The following SH3RF2 variants were observed in gnomAD, a reference collection of about 807,000 sequenced individuals.
The protein encoded by SH3RF2 is E3 ubiquitin-protein ligase SH3RF2.
Under a neutral mutation model 59.0 loss-of-function variants are expected in SH3RF2, and 43 were observed. That is an observed-to-expected ratio of 0.73 (90% confidence interval 0.57 to 0.94). The LOEUF is 0.94. SH3RF2 is among the 40% of genes least tolerant of loss of function. The probability of loss-of-function intolerance (pLI) is 0.00; values close to 1 mark genes in which losing one functional copy is unlikely to be tolerated. For synonymous variants in SH3RF2, 391 were observed against 391.5 expected (o/e 1.00, Z 0.01); for missense variants, 930 against 940.1 (o/e 0.99, Z 0.14).
intron 2 of SH3RF2, among the ~76,000 whole-genome samples, chr5:145,962,781 C>T (rs1369661952): frequency 2.6e-5 from 4 of 151,676 alleles, no homozygotes; most frequent in Admixed American, 2.0e-4. Context: ...CTTAGGACTT[C>T]ATACCTCCTC....
chr5:146,061,001 G>A (rs1020519089), intron 9 of SH3RF2, among the ~76,000 whole-genome samples: 10 of 152,008 alleles, frequency 6.6e-5, no homozygotes, highest in Admixed American at 1.3e-4. Flanking sequence ...TCACATCATC[G>A]CCATCACCAC....
chr5:146,024,076 G>A (rs1008622771), intron 5 of SH3RF2, among the ~76,000 whole-genome samples: 3 of 152,154 alleles, frequency 2.0e-5, no homozygotes, highest in Non-Finnish European at 2.9e-5. Context: ...AACATTTGTA[G>A]ACATATGCTT....
intron 2 of SH3RF2, among the ~76,000 whole-genome samples, chr5:145,971,662 A>G (rs1232389930): frequency 6.6e-6 from 1 of 152,216 alleles, no homozygotes; most frequent in Non-Finnish European, 1.5e-5. Flanking sequence ...CAGTCATTCT[A>G]TCAGTCAGTC....
intron 2 of SH3RF2, chr5:145,997,977 C>T (rs1185260138): frequency 2.6e-6 from 2 of 767,110 alleles, no homozygotes; most frequent in African/African-American, 1.7e-5. Context: ...GTGGTCCCAC[C>T]CAGAACATAT....
At chr5:146,031,953 G>A (rs1351103001) in intron 5 of SH3RF2, among the ~76,000 whole-genome samples, 1 of 152,134 alleles carries the variant, frequency 6.6e-6, no homozygotes, top group Non-Finnish European at 1.5e-5. Flanking sequence ...GCATGCTCCA[G>A]GGGTAAGAGA....
Position 146,062,864 on chromosome 5 carries a change from C to A in SH3RF2, c.*163C>A. 1 of 924,506 alleles carries A rather than the reference C, an allele frequency of 1.1e-6. No homozygotes were observed. Among genetic ancestry groups the A allele is most frequent in the Non-Finnish European group, 1.6e-6 (1 of 633,392 alleles). The allele number at this position is 924,506 out of a possible 1,614,324, so 57.3% of individuals were successfully genotyped here. ...AAAAGTGGGAGCAGAAATTCCTGCC[C>A]TGGGTGGGAGGATAGATGGCGTGGC... On this transcript the variant is annotated 3_prime_UTR_variant, in exon 10 of 10. Transcript: ENST00000359120.
chr5:145,943,215 T>C (rs1257665261), intron 2 of SH3RF2, among the ~76,000 whole-genome samples: 1 of 148,056 alleles, frequency 6.8e-6, no homozygotes, highest in Non-Finnish European at 1.5e-5. Flanking sequence ...CACAGAAACA[T>C]GCAGGGATCT....
chr5:146,062,436 C>T lies in SH3RF2; in HGVS notation c.1925C>T (p.Thr642Ile), dbSNP rs756609677. 1 of 1,613,824 alleles carries T rather than the reference C, an allele frequency of 6.2e-7. No homozygotes were observed. The highest frequency in any genetic ancestry group is 8.5e-7 in the Non-Finnish European group (1 of 1,179,798). ...TCCTTTCTCTTGCAGCAAGTCAAAA[C>T]CGTGAGATTTCAGAATTACAGCCCT... ...SRNGIEKQVKTVRFQNYSPPP... is the reference protein window; with the variant it reads ...SRNGIEKQVKIVRFQNYSPPP... The change falls in exon 10 of 10, where the codon ACC becomes ATC. Residue 642 changes from threonine to isoleucine, a missense_variant. By Grantham distance (89) the Thr-to-Ile change is moderately conservative. Transcript: ENST00000359120.
chr5:146,044,954 A>G (rs1443493545), intron 5 of SH3RF2, among the ~76,000 whole-genome samples: 1 of 152,212 alleles, frequency 6.6e-6, no homozygotes. Flanking sequence ...AGAGAAGTAA[A>G]AAGACAGACC....
chr5:146,037,563 C>A (rs549266391), intron 5 of SH3RF2, among the ~76,000 whole-genome samples: 3 of 152,288 alleles, frequency 2.0e-5, no homozygotes, highest in East Asian at 3.9e-4. Flanking sequence ...GGCCACCTGG[C>A]AAATGTTCCC....
downstream of SH3RF2, among the ~76,000 whole-genome samples, chr5:146,065,851 G>T (rs1193713158): frequency 2.6e-5 from 4 of 152,222 alleles, no homozygotes; most frequent in Non-Finnish European, 5.9e-5. Flanking sequence ...TAGAGATGAA[G>T]TCTCACTGTG....
At chr5:146,048,314 C>CAA (rs34925445) in intron 6 of SH3RF2, among the ~76,000 whole-genome samples, 3,145 of 138,588 alleles carry the variant, frequency 0.023, 129 homozygotes, top group East Asian at 0.15. Context: ...GACCCTGTCT[C>CAA]AAAAAAAAAA....
At chr5:146,015,836 C>G (rs183719583) in intron 5 of SH3RF2, among the ~76,000 whole-genome samples, 18 of 152,314 alleles carry the variant, frequency 1.2e-4, no homozygotes, top group Non-Finnish European at 2.5e-4. Context: ...TCACAGCAGC[C>G]TTTTCTCCAT....
At chr5:146,004,938 C>T (rs1479542518) in intron 4 of SH3RF2, among the ~76,000 whole-genome samples, 1 of 151,722 alleles carries the variant, frequency 6.6e-6, no homozygotes, top group Non-Finnish European at 1.5e-5. Flanking sequence ...TCTTTTATCA[C>T]AATAAAAAAT....
intron 4 of SH3RF2, among the ~76,000 whole-genome samples, chr5:146,012,451 C>T (rs1396656411): frequency 6.6e-6 from 1 of 152,110 alleles, no homozygotes; most frequent in Non-Finnish European, 1.5e-5. Context: ...CCAGCTCCTC[C>T]TTGTACCTCT....
chr5:146,039,598 T>A (rs1281483330), intron 5 of SH3RF2, among the ~76,000 whole-genome samples: 3 of 152,286 alleles, frequency 2.0e-5, no homozygotes, highest in African/African-American at 7.2e-5. Flanking sequence ...AGCCAGGCCT[T>A]ACCACATGCT....
intron 2 of SH3RF2, among the ~76,000 whole-genome samples, chr5:145,941,230 A>G (rs933415418): frequency 6.6e-6 from 1 of 152,202 alleles, no homozygotes; most frequent in Non-Finnish European, 1.5e-5. Flanking sequence ...CAAGCTCATC[A>G]AGCTCTTTTT....
intron 9 of SH3RF2, among the ~76,000 whole-genome samples, chr5:146,071,526 T>C (rs1425239938): frequency 1.3e-5 from 2 of 152,244 alleles, no homozygotes; most frequent in East Asian, 3.8e-4. Flanking sequence ...AAGTTGTTTT[T>C]AGATGTTGGC....
chr5:145,956,105 G>A (rs2149950067), intron 2 of SH3RF2, among the ~76,000 whole-genome samples: 1 of 152,194 alleles, frequency 6.6e-6, no homozygotes, highest in Admixed American at 6.5e-5. Flanking sequence ...AGCAGATCTG[G>A]GAGTCTGAAT....
Sources: allele counts gnomAD v4.1 joint callset (sites outside exome capture counted in the v4.1 genomes callset), GRCh38; gene constraint gnomAD v4.1.1; transcripts MANE v1.5; gene names NCBI Gene and HGNC (gene_info 2026-07-23, HGNC 2026-07-21).